The following NLRP6 variants were observed in gnomAD, a reference collection of about 807,000 sequenced individuals.
NLRP6 encodes the protein NLR family pyrin domain containing 6.
Under a neutral mutation model 70.9 loss-of-function variants are expected in NLRP6, and 55 were observed. The ratio of observed to expected loss-of-function variants is 0.78; its 90% CI spans 0.62 to 0.97. The LOEUF (loss-of-function observed/expected upper bound fraction) is 0.97, where lower values mean the gene tolerates loss of function less well. Among genes scored for constraint, NLRP6 ranks in the 50% least tolerant of loss-of-function variants. The pLI is 0.00. For synonymous variants in NLRP6, 652 were observed against 581.9 expected (o/e 1.12, Z -1.73); for missense variants, 1,241 against 1,238.3 (o/e 1.00, Z -0.03).
At chr11:280,035 C>G (rs750858386) in intron 3 of NLRP6, 49 bp from the exon 4 acceptor site, 4 of 1,438,014 alleles carry the variant, frequency 2.8e-6, no homozygotes, top group Non-Finnish European at 3.7e-6. Flanking sequence ...AGGGCGCAGC[C>G]TGCCCCACCT....
At position 280,686 on chromosome 11, in the gene NLRP6, C is replaced by A; in HGVS notation, c.952C>A (p.Pro318Thr). The change falls in exon 4 of 8, where the codon CCC becomes ACC. Residue 318 changes from proline to threonine, a missense_variant. Pro to Thr is a conservative substitution (Grantham distance 38). Transcript: ENST00000534750. ...LGGLLSKALLPTALLLVTTRA... is the reference protein window; with the variant it reads ...LGGLLSKALLTTALLLVTTRA... ...CGGGCTGCTGAGCAAGGCGCTGCTGCCCACGGCCCTCCTGCTGGTGACCAC... is the reference window on the plus strand; with the variant it reads ...CGGGCTGCTGAGCAAGGCGCTGCTGACCACGGCCCTCCTGCTGGTGACCAC... 2 of 1,562,216 alleles carry A rather than the reference C, an allele frequency of 1.3e-6. No homozygotes were observed. The highest frequency in any genetic ancestry group is 8.6e-7 in the Non-Finnish European group (1 of 1,158,564).
In NLRP6 at chr11:280,139, G is replaced by T; in HGVS notation, c.405G>T (p.Glu135Asp). Reference sequence around the variant, plus strand: ...TGCAGCTGCACGCTCGGGTGAAGGAGAGGAACGCCCGCTCCGTGAAGATCA... The same window carrying T: ...TGCAGCTGCACGCTCGGGTGAAGGATAGGAACGCCCGCTCCGTGAAGATCA... ...HVLQLHARVK[E>D]RNARSVKITK... The change falls in exon 4 of 8, where the codon GAG becomes GAT. Residue 135 changes from glutamate (E) to aspartate (D), a missense_variant. Transcript: ENST00000534750. The T allele has an allele frequency of 6.5e-7, 1 of 1,547,276 alleles. No homozygotes were observed. The highest frequency in any genetic ancestry group is 8.7e-7 in the Non-Finnish European group (1 of 1,147,510).
At position 281,761 on chromosome 11, in the gene NLRP6, G is replaced by A; in HGVS notation, c.2027G>A (p.Ser676Asn). 2 of 1,610,610 alleles carry A rather than the reference G, an allele frequency of 1.2e-6. No individual in the cohort carries two copies. The highest frequency in any genetic ancestry group is 2.2e-5 in the South Asian group (2 of 91,072). Reference sequence around the variant, plus strand: ...GCTGGACAGGCACTGCGGCTGATCAGCTGCAGATTGGTTGCTGCGCAGGAG... The same window carrying A: ...GCTGGACAGGCACTGCGGCTGATCAACTGCAGATTGGTTGCTGCGCAGGAG... ...CPAGQALRLI[S>N]CRLVAAQEKK... The change falls in exon 4 of 8, where the codon AGC becomes AAC. Residue 676 changes from serine to asparagine, a missense_variant. Physicochemically the swap from Ser to Asn is conservative, Grantham distance 46. Transcript: ENST00000534750.
Position 279,520 on chromosome 11 carries a change from G to GA in NLRP6, c.224dup (p.Pro76AlafsTer95). 6.9e-7 allele frequency: 1 copy of GA among 1,458,146 alleles called. No homozygotes were observed. The highest frequency in any genetic ancestry group is 9.0e-7 in the Non-Finnish European group (1 of 1,107,290). The allele number at this position is 1,458,146 out of a possible 1,614,324, so 90.3% of individuals were successfully genotyped here. A position where few individuals can be genotyped will look rare whatever the true frequency, so the allele number is the denominator to read the frequency against. On this transcript the variant is annotated frameshift_variant, in exon 2 of 8. Transcript: ENST00000534750. LOFTEE classifies it high-confidence loss of function. ...GCAGCTGGCCCAGTTCTACGGCCCG[G>GA]AGCCTGCCCTGGAGGTGGCCCGCAA... is the stretch of plus-strand genomic sequence containing the variant.
Position 278,842 on chromosome 11 carries a change from G to T in NLRP6, c.29+244G>T, listed in dbSNP as rs1266758283. Among the ~76,000 whole-genome samples the T allele has an allele frequency of 1.3e-5, 2 of 152,234 alleles. No individual in the cohort carries two copies. The highest frequency in any genetic ancestry group is 2.9e-5 in the Non-Finnish European group (2 of 68,040). ...CCAAGCTGGGCCCCACCAAAGTGTG[G>T]CAGGGGTGGGGGCCCAGGAATACAG... On this transcript the variant is annotated intron_variant, in intron 1 of 7. Coordinates refer to ENST00000534750, the MANE Select transcript of NLRP6 (RefSeq NM_001276700.2). This position sits in a 1 kb window ranked among gnomAD's most constrained non-coding sequence, Gnocchi z 4.7.
intron 5 of NLRP6, among the ~76,000 whole-genome samples, 196 bp downstream of exon 5, chr11:282,993 A>G (rs1420151734): frequency 6.6e-6 from 1 of 152,202 alleles, no homozygotes; most frequent in African/African-American, 2.4e-5. Context: ...CTTCATTACC[A>G]GGTTAGGTAC....
intron 3 of NLRP6, 93 bp from the exon 4 acceptor site, chr11:279,991 C>A: frequency 7.1e-7 from 1 of 1,410,472 alleles, no homozygotes; most frequent in Non-Finnish European, 9.3e-7. Flanking sequence ...GAAACTGAGG[C>A]CTGAGCAGGG....
At chr11:279,724 C>T in intron 2 of NLRP6, 110 bp from the exon 3 acceptor site, 1 of 1,348,920 alleles carries the variant, frequency 7.4e-7, no homozygotes. Flanking sequence ...TCCACAAATT[C>T]GCGGGCCCCA....
In NLRP6 at chr11:284,585, T is replaced by C. The variant is rs1448032515; in HGVS notation, c.2480T>C (p.Met827Thr). 1 of 1,611,996 alleles carries C rather than the reference T, an allele frequency of 6.2e-7. No individual in the cohort carries two copies. The highest frequency in any genetic ancestry group is 8.5e-7 in the Non-Finnish European group (1 of 1,179,832). Reference sequence around the variant, plus strand: ...AGCGGCTGCCAACTGCCCGCCCCCATGGTGACCTACCTGTGTGCAGTCCTG... The same window carrying C: ...AGCGGCTGCCAACTGCCCGCCCCCACGGTGACCTACCTGTGTGCAGTCCTG... ...DLSGCQLPAP[M>T]VTYLCAVLQH... Residue 827 changes from methionine (M) to threonine (T), a missense_variant, in exon 7 of 8, where the codon ATG becomes ACG. By Grantham distance (81) the Met-to-Thr change is moderately conservative (BLOSUM62 -1). Coordinates refer to ENST00000534750, the MANE Select transcript of NLRP6 (RefSeq NM_001276700.2).
rs143036368 is a variant in NLRP6 at position 284,501 on chromosome 11, G to A, written c.2396G>A (p.Gly799Glu). 4 of 1,612,864 alleles carry A rather than the reference G, an allele frequency of 2.5e-6. No individual in the cohort carries two copies. Among genetic ancestry groups the A allele is most frequent in the African/African-American group, 2.7e-5 (2 of 74,910 alleles). The change falls in exon 7 of 8, where the codon GGG becomes GAG. Residue 799 changes from glycine (G) to glutamate (E), a missense_variant. Transcript: ENST00000534750. ...GTACAGCTGCCTGACCCCCAGCGAG[G>A]GCTCCAGTACCTGGTGGGTATGCTT... ...VRVQLPDPQR[G>E]LQYLVGMLRQ...
At chr11:279,689 C>T (rs1467134832) in intron 2 of NLRP6, 82 bp downstream of exon 2, 7 of 1,352,426 alleles carry the variant, frequency 5.2e-6, no homozygotes, top group South Asian at 1.7e-5. Context: ...AGCCCCGGCG[C>T]GGTCCCCGGC....
In NLRP6 at chr11:284,628, C is replaced by G. The variant is rs747790311; in HGVS notation, c.2523C>G (p.Gly841=). The G allele has an allele frequency of 6.2e-7, 1 of 1,606,382 alleles. No individual in the cohort carries two copies. Among genetic ancestry groups the G allele is most frequent in the Admixed American group, 1.7e-5 (1 of 59,864 alleles). Residue 841 remains glycine (G), a synonymous_variant, in exon 7 of 8, where the codon GGC becomes GGG. Coordinates refer to ENST00000534750, the MANE Select transcript of NLRP6 (RefSeq NM_001276700.2). ...CAGTCCTGCAGCACCAGGGATGCGG[C>G]CTGCAGACCCTCAGGTGGAGGCAGG... ...LCAVLQHQGC[G]LQTLSLASVE...
At chr11:279,240 G>A (rs1845430269) in intron 1 of NLRP6, 87 bp from the exon 2 acceptor site, 3 of 1,133,022 alleles carry the variant, frequency 2.6e-6, no homozygotes, top group South Asian at 8.4e-5. Context: ...GGCCCTGCCC[G>A]CGGTGGGTTC....
chr11:282,422 G>A (rs777322139), intron 4 of NLRP6, among the ~76,000 whole-genome samples: 1 of 152,216 alleles, frequency 6.6e-6, no homozygotes, highest in Admixed American at 6.5e-5. Context: ...TGAATGTCAC[G>A]GTGTTGGCAG....
In NLRP6 at chr11:280,006, G is replaced by T. The variant is rs549344447; in HGVS notation, c.350-78G>T. The T allele has an allele frequency of 1.3e-4, 189 of 1,416,234 alleles. 1 individual carries two copies. In the Middle Eastern group the frequency reaches 1.8e-3, roughly 13 times the overall value. 87.7% of individuals were successfully genotyped at this position (1,416,234 alleles called of 1,614,324 possible). A position where few individuals can be genotyped will look rare whatever the true frequency, so the allele number is the denominator to read the frequency against. On this transcript the variant is annotated intron_variant, in intron 3 of 7. Coordinates refer to ENST00000534750, the MANE Select transcript of NLRP6 (RefSeq NM_001276700.2). ...GAAACTGAGGCCTGAGCAGGGCCGGGGAGGGCGTGGGCTCCCGGAGGGCGC... is the reference window on the plus strand; with the variant it reads ...GAAACTGAGGCCTGAGCAGGGCCGGTGAGGGCGTGGGCTCCCGGAGGGCGC...
chr11:280,028 G>A (rs1389344416), intron 3 of NLRP6, 56 bp from the exon 4 acceptor site: 13 of 1,432,404 alleles, frequency 9.1e-6, no homozygotes, highest in Non-Finnish European at 1.2e-5. Context: ...CTCCCGGAGG[G>A]CGCAGCCTGC....
chr11:282,711 A>C lies in NLRP6; in HGVS notation c.2112A>C (p.Gln704His). Residue 704 changes from glutamine to histidine, a missense_variant, in exon 5 of 8, where the codon CAA becomes CAC. Physicochemically the swap from Gln to His is conservative, Grantham distance 24. Transcript: ENST00000534750. ...LQASLGGGSS[Q>H]GTTKQLPASL... is the part of the protein sequence containing the mutation. ...TTCCTCTCTCTCCCAGCAGTTCTCAAGGCACCACAAAACAACTGCCAGCCT... is the reference window on the plus strand; with the variant it reads ...TTCCTCTCTCTCCCAGCAGTTCTCACGGCACCACAAAACAACTGCCAGCCT... The C allele has an allele frequency of 6.2e-7, 1 of 1,613,502 alleles. No individual in the cohort carries two copies. The highest frequency in any genetic ancestry group is 8.5e-7 in the Non-Finnish European group (1 of 1,179,452).
chr11:282,615 G>A (rs1372793405), intron 4 of NLRP6, 90 bp from the exon 5 acceptor site: 80 of 1,031,040 alleles, frequency 7.8e-5, no homozygotes, highest in Non-Finnish European at 1.5e-5. Context: ...GGGCAGCTCT[G>A]AGACCCCAGG....
chr11:285,231 C>T lies in NLRP6; in HGVS notation c.2603C>T (p.Pro868Leu), dbSNP rs762652979. The T allele has an allele frequency of 3.7e-6, 6 of 1,604,246 alleles. No homozygotes were observed. Among genetic ancestry groups the T allele is most frequent in the African/African-American group, 1.3e-5 (1 of 74,760 alleles). The part of the protein sequence containing the change: ...QELQAVKRAK[P>L]DLVITHPALD... ...CTTCAGGCTGTGAAGAGAGCAAAGC[C>T]GGATCTGGTCATCACACACCCAGCG... Residue 868 changes from proline (P) to leucine (L), a missense_variant, in exon 8 of 8, where the codon CCG (proline) becomes CTG (leucine). Transcript: ENST00000534750.
Sources: allele counts gnomAD v4.1 joint callset (sites outside exome capture counted in the v4.1 genomes callset), GRCh38; gene constraint gnomAD v4.1.1; non-coding constraint Gnocchi (gnomAD v3.1); transcripts MANE v1.5; gene names NCBI Gene and HGNC (gene_info 2026-07-23, HGNC 2026-07-21).